Variants in L3MBTL4 observed in about 807,000 individuals in gnomAD.
The protein encoded by L3MBTL4 is L3MBTL histone methyl-lysine binding protein 4.
L3MBTL4 carries 70 observed loss-of-function variants against 84.5 expected under a neutral mutation model. The observed-to-expected ratio is 0.83, with a 90% confidence interval of 0.68 to 1.01. The LOEUF is 1.01. L3MBTL4 is among the 50% of genes least tolerant of loss of function. The probability of loss-of-function intolerance (pLI) is 0.00; values close to 1 mark genes in which losing one functional copy is unlikely to be tolerated. For synonymous variants in L3MBTL4, 274 were observed against 259.8 expected, an observed-to-expected ratio of 1.05 and a Z score of -0.52; for missense variants, 715 against 754.8, an observed-to-expected ratio of 0.95 and a Z score of 0.62.
chr18:6,234,369 G>T (rs1404337168), intron 10 of L3MBTL4, among the ~76,000 whole-genome samples: 1 of 152,192 alleles, frequency 6.6e-6, no homozygotes, highest in South Asian at 2.1e-4. Flanking sequence ...TACCATTAGA[G>T]TGAACAGGCA....
chr18:6,295,925 AC>A lies in L3MBTL4; in HGVS notation c.127+5977del, dbSNP rs2050090820. The stretch of plus-strand genomic sequence containing the variant: ...GTTCAGCCTAAATATTTAACTGTTT[AC>A]TTAATGATAGTAAATGGCATCTGTA... On this transcript the variant is annotated intron_variant, in intron 4 of 18. Transcript: ENST00000317931. Among the ~76,000 whole-genome samples, 14 of 152,328 alleles carry A rather than the reference AC, an allele frequency of 9.2e-5. No homozygotes were observed. In the South Asian group the frequency reaches 2.7e-3, roughly 29 times the overall value.
chr18:6,004,501 G>A lies in L3MBTL4; in HGVS notation c.1445-34939C>T, dbSNP rs570627954. On this transcript the variant is annotated intron_variant, in intron 16 of 18. Coordinates refer to ENST00000317931, the MANE Select transcript of L3MBTL4 (RefSeq NM_001330559.2). Reference sequence around the variant, plus strand: ...ACTTTTACAGAAAACTGAAGAGGGGGAACACTTTCTAACTCATAGAAAGGC... The same window carrying A: ...ACTTTTACAGAAAACTGAAGAGGGGAAACACTTTCTAACTCATAGAAAGGC... 2.6e-5 allele frequency among the ~76,000 whole-genome samples: 4 copies of A among 152,216 alleles called. No homozygotes were observed. The South Asian group carries it at 8.3e-4, about 32-fold the overall frequency.
At chr18:6,166,735 A>C (rs552907640) in intron 13 of L3MBTL4, among the ~76,000 whole-genome samples, 28 of 152,134 alleles carry the variant, frequency 1.8e-4, no homozygotes, top group African/African-American at 5.8e-4. Flanking sequence ...AGGAAAGATC[A>C]AAAATTGACA....
At chr18:6,215,324 T>A (rs934898310) in intron 11 of L3MBTL4, among the ~76,000 whole-genome samples, 14 of 152,118 alleles carry the variant, frequency 9.2e-5, no homozygotes, top group Admixed American at 7.9e-4. Flanking sequence ...GAAAGAAAGG[T>A]TTACCTCAAA....
chr18:5,991,529 T>C (rs1262155922), intron 16 of L3MBTL4, among the ~76,000 whole-genome samples: 1 of 152,200 alleles, frequency 6.6e-6, no homozygotes, highest in African/African-American at 2.4e-5. Flanking sequence ...ACACTAAAGC[T>C]GCTATAATAG....
At chr18:6,071,797 GAA>G (rs1568066971) in intron 16 of L3MBTL4, among the ~76,000 whole-genome samples, 2 of 137,796 alleles carry the variant, frequency 1.5e-5, no homozygotes, top group African/African-American at 5.7e-5. Context: ...AAGAAAGAAA[GAA>G]AGAAAAAGAA....
chr18:6,029,440 A>T, intron 16 of L3MBTL4: 1 of 962,980 alleles, frequency 1.0e-6, no homozygotes, highest in Non-Finnish European at 1.2e-6. Context: ...ACATGAAAAA[A>T]ATTACAAATT....
intron 16 of L3MBTL4, among the ~76,000 whole-genome samples, chr18:6,047,957 G>T (rs1051218686): frequency 7.2e-5 from 11 of 152,172 alleles, no homozygotes; most frequent in African/African-American, 2.7e-4. Context: ...AAAAGAATAA[G>T]TCAAATTATC....
intron 14 of L3MBTL4, among the ~76,000 whole-genome samples, chr18:6,132,035 C>G (rs2059894224): frequency 6.6e-6 from 1 of 152,070 alleles, no homozygotes; most frequent in Non-Finnish European, 1.5e-5. Flanking sequence ...TTTCCTAGAG[C>G]TAACCTACAT....
intron 16 of L3MBTL4, among the ~76,000 whole-genome samples, chr18:6,064,694 G>T (rs1322925164): frequency 6.7e-6 from 1 of 149,244 alleles, no homozygotes; most frequent in Non-Finnish European, 1.5e-5. Context: ...TGTGTACATT[G>T]ATTTTGTAGC....
chr18:6,291,892 C>G (rs564356596), intron 4 of L3MBTL4, among the ~76,000 whole-genome samples: 1 of 152,108 alleles, frequency 6.6e-6, no homozygotes, highest in Non-Finnish European at 1.5e-5. Flanking sequence ...CGAAAGGAAC[C>G]ATCAACAAAG....
chr18:6,378,535 A>G (rs532059397), intron 1 of L3MBTL4, among the ~76,000 whole-genome samples: 1 of 152,328 alleles, frequency 6.6e-6, no homozygotes, highest in Non-Finnish European at 1.5e-5. Context: ...CTTTCTGCAT[A>G]TGGCTAGCCA....
chr18:6,191,672 C>T (rs1568288711), intron 12 of L3MBTL4, among the ~76,000 whole-genome samples: 3 of 152,136 alleles, frequency 2.0e-5, no homozygotes, highest in Admixed American at 6.5e-5. Context: ...GGTCCAGTGA[C>T]GAGCCCCAGT....
At chr18:6,102,142 T>C in intron 14 of L3MBTL4, among the ~76,000 whole-genome samples, 1 of 152,222 alleles carries the variant, frequency 6.6e-6, no homozygotes, top group Non-Finnish European at 1.5e-5. Context: ...TAATTGTTTA[T>C]CAGCTTGAAC....
At chr18:6,356,718 G>C (rs1185149124) in intron 1 of L3MBTL4, 1 of 152,224 alleles carries the variant, frequency 6.6e-6, no homozygotes, top group Non-Finnish European at 1.5e-5. Context: ...GAGTTGCTCT[G>C]GGTGGATCAG....
At chr18:6,233,687 A>G (rs1256258685) in intron 10 of L3MBTL4, among the ~76,000 whole-genome samples, 1 of 152,146 alleles carries the variant, frequency 6.6e-6, no homozygotes, top group Non-Finnish European at 1.5e-5. Flanking sequence ...AAATGGAAGA[A>G]CATTCCATGC....
chr18:6,228,687 C>T (rs1490382577), intron 10 of L3MBTL4, among the ~76,000 whole-genome samples: 2 of 152,012 alleles, frequency 1.3e-5, no homozygotes, highest in Non-Finnish European at 2.9e-5. Context: ...GAAACACCAC[C>T]ACACACTTAC....
At chr18:6,105,337 A>G (rs1327503922) in intron 14 of L3MBTL4, among the ~76,000 whole-genome samples, 2 of 151,538 alleles carry the variant, frequency 1.3e-5, no homozygotes, top group Non-Finnish European at 2.9e-5. Flanking sequence ...TTACAGGCAC[A>G]TGCCACCATG....
chr18:6,154,405 T>C (rs2043016999), intron 13 of L3MBTL4, among the ~76,000 whole-genome samples: 1 of 151,950 alleles, frequency 6.6e-6, no homozygotes, highest in Non-Finnish European at 1.5e-5. Context: ...TTCAAATATA[T>C]ATGAAAAAGG....
Sources: allele counts gnomAD v4.1 joint callset (sites outside exome capture counted in the v4.1 genomes callset), GRCh38; gene constraint gnomAD v4.1.1; transcripts MANE v1.5; gene names NCBI Gene and HGNC (gene_info 2026-07-23, HGNC 2026-07-21).